Variants in PHACTR3 observed in about 807,000 individuals in gnomAD.
PHACTR3 encodes the protein protein phosphatase 1, regulatory subunit 123.
A neutral mutation model predicts 66.8 loss-of-function variants in PHACTR3; 16 were observed. The observed-to-expected ratio is 0.24, with a 90% confidence interval of 0.16 to 0.36. The LOEUF is 0.36. PHACTR3 is among the 10% of genes least tolerant of loss of function. The probability of loss-of-function intolerance (pLI) is 1.00; values close to 1 mark genes in which losing one functional copy is unlikely to be tolerated. For synonymous variants in PHACTR3, 323 were observed against 292.1 expected (o/e 1.11, Z -1.08); for missense variants, 647 against 719.9 (o/e 0.90, Z 1.16).
chr20:59,587,456 A>G (rs983602088), intron 1 of PHACTR3, among the ~76,000 whole-genome samples: 2 of 152,246 alleles, frequency 1.3e-5, no homozygotes, highest in Admixed American at 1.3e-4. Flanking sequence ...CCCAGTGTTC[A>G]TGGCTGGTCA....
At chr20:59,748,956 G>A (rs1409712102) in intron 3 of PHACTR3, among the ~76,000 whole-genome samples, 3 of 152,154 alleles carry the variant, frequency 2.0e-5, no homozygotes, top group Non-Finnish European at 4.4e-5. Flanking sequence ...CCAGGCTTTT[G>A]TCATTGTTTC....
chr20:59,756,882 G>A (rs1156460863), intron 4 of PHACTR3, among the ~76,000 whole-genome samples: 1 of 151,972 alleles, frequency 6.6e-6, no homozygotes, highest in African/African-American at 2.4e-5. Flanking sequence ...AAACTAAAGA[G>A]CTTCTTTGCA....
At chr20:59,771,740 G>A (rs1408659048) in intron 5 of PHACTR3, among the ~76,000 whole-genome samples, 2 of 152,238 alleles carry the variant, frequency 1.3e-5, no homozygotes, top group Admixed American at 6.5e-5. Context: ...CTGTGGCCTG[G>A]CCTTGTGTGG....
intron 8 of PHACTR3, among the ~76,000 whole-genome samples, chr20:59,831,338 CCT>C (rs1260761644): frequency 7.9e-5 from 12 of 152,232 alleles, no homozygotes; most frequent in African/African-American, 2.4e-4. Context: ...GTCATCCCCA[CCT>C]CTCGTGTGTG....
intron 1 of PHACTR3, among the ~76,000 whole-genome samples, chr20:59,735,053 C>T (rs2038900524): frequency 6.6e-6 from 1 of 152,094 alleles, no homozygotes; most frequent in South Asian, 2.1e-4. Flanking sequence ...TCCCTCAGGC[C>T]TAACACTGTG....
At position 59,767,317 on chromosome 20, in the gene PHACTR3, G is replaced by A. The variant is rs201007890; in HGVS notation, c.673G>A (p.Val225Met). ...DSPPRPLERS[V>M]GQLPSPPLLP... ...TCCTCCCAGACCTCTGGAGAGATCCGTGGGCCAGCTCCCCAGCCCCCCACT... is the reference window on the plus strand; with the variant it reads ...TCCTCCCAGACCTCTGGAGAGATCCATGGGCCAGCTCCCCAGCCCCCCACT... The change falls in exon 5 of 13, where the codon GTG becomes ATG. Residue 225 changes from valine (V) to methionine (M), a missense_variant. Val to Met is a conservative substitution (Grantham distance 21, BLOSUM62 1). Around this residue, in one of 2 missense-constraint regions of PHACTR3, gnomAD observed 577 missense variants for 571.1 expected, o/e 1.01. Transcript: ENST00000371015. The A allele has an allele frequency of 4.2e-5, 67 of 1,614,168 alleles. No individual in the cohort carries two copies. In the East Asian group the frequency reaches 8.0e-4, roughly 19 times the overall value.
chr20:59,681,405 A>G (rs1568705549), intron 1 of PHACTR3, among the ~76,000 whole-genome samples: 2 of 152,154 alleles, frequency 1.3e-5, no homozygotes, highest in Non-Finnish European at 2.9e-5. Context: ...AAAAATTTGT[A>G]AAACATTTTG....
chr20:59,812,390 G>A (rs763923504), intron 8 of PHACTR3, among the ~76,000 whole-genome samples: 4 of 152,196 alleles, frequency 2.6e-5, no homozygotes, highest in Admixed American at 6.5e-5. Context: ...TCCAGAACAC[G>A]CTGCACCCTC....
At position 59,841,536 on chromosome 20, in the gene PHACTR3, G is replaced by T; in HGVS notation, c.1587+1G>T. On this transcript the variant is annotated splice_donor_variant, in intron 11 of 12. Coordinates refer to ENST00000371015, the MANE Select transcript of PHACTR3 (RefSeq NM_080672.5). LOFTEE classifies it high-confidence loss of function. Reference sequence around the variant, plus strand: ...GACGAGACTGTCAGCAGCAGATAAGGTACCTAACTGCCTGTGCTGGTGGGG... The same window carrying T: ...GACGAGACTGTCAGCAGCAGATAAGTTACCTAACTGCCTGTGCTGGTGGGG... 6.2e-7 allele frequency: 1 copy of T among 1,611,360 alleles called. No homozygotes were observed.
chr20:59,702,867 G>T (rs2037555946), intron 1 of PHACTR3, among the ~76,000 whole-genome samples: 1 of 152,188 alleles, frequency 6.6e-6, no homozygotes. Context: ...TTTTGGACCT[G>T]GGTGGGATCA....
chr20:59,681,694 G>T (rs2036655272), intron 1 of PHACTR3, among the ~76,000 whole-genome samples: 1 of 152,246 alleles, frequency 6.6e-6, no homozygotes, highest in Non-Finnish European at 1.5e-5. Context: ...CCCAGGTCCT[G>T]CAAGGAGCAG....
intron 1 of PHACTR3, among the ~76,000 whole-genome samples, chr20:59,702,089 A>G (rs762754815): frequency 1.2e-4 from 19 of 152,162 alleles, no homozygotes; most frequent in Admixed American, 2.0e-4. Context: ...ATGTACCCCA[A>G]TTTGTTTATC....
chr20:59,795,993 G>C (rs1457545392), intron 7 of PHACTR3, among the ~76,000 whole-genome samples: 1 of 151,988 alleles, frequency 6.6e-6, no homozygotes, highest in Non-Finnish European at 1.5e-5. Flanking sequence ...AAATACTCCT[G>C]CCATTTTGTT....
At chr20:59,607,141 C>T (rs560174433) in intron 1 of PHACTR3, among the ~76,000 whole-genome samples, 144 of 152,244 alleles carry the variant, frequency 9.5e-4, no homozygotes, top group African/African-American at 3.4e-3. Flanking sequence ...TGATGGTGGA[C>T]TCAGTTCTTC....
intron 1 of PHACTR3, among the ~76,000 whole-genome samples, chr20:59,610,866 C>A (rs948903301): frequency 1.3e-5 from 2 of 152,196 alleles, no homozygotes; most frequent in Non-Finnish European, 2.9e-5. Context: ...AGCTCTCCTG[C>A]GGGAAGGGAC....
chr20:59,623,558 G>A (rs2034338427), intron 1 of PHACTR3, among the ~76,000 whole-genome samples: 1 of 152,174 alleles, frequency 6.6e-6, no homozygotes, highest in Admixed American at 6.5e-5. Flanking sequence ...TTCTTCGTTT[G>A]TTTGTAATAT....
At chr20:59,836,271 G>A (rs1444545059) in intron 8 of PHACTR3, 5 of 502,562 alleles carry the variant, frequency 9.9e-6, no homozygotes, top group Non-Finnish European at 1.4e-5. Context: ...ATGTGGAGCT[G>A]GAGCAAGGAC....
Position 59,611,574 on chromosome 20 carries a change from A to AAGGAGGAGG in PHACTR3, c.118+6453_118+6461dup, listed in dbSNP as rs144094385. 1.6e-4 allele frequency among the ~76,000 whole-genome samples: 24 copies of AAGGAGGAGG among 152,168 alleles called. No individual in the cohort carries two copies. The South Asian group carries it at 5.0e-3, about 32-fold the overall frequency. On this transcript the variant is annotated intron_variant, in intron 1 of 12. Transcript: ENST00000371015. ...GGCCATTCTCAGCAAATGGTGGAGG[A>AAGGAGGAGG]AGGAGGAGGAGGAGGAGGATGTGGT...
intron 3 of PHACTR3, among the ~76,000 whole-genome samples, chr20:59,751,575 G>C (rs2039584423): frequency 2.0e-5 from 3 of 152,154 alleles, no homozygotes; most frequent in Admixed American, 6.5e-5. Flanking sequence ...CAGCAGAAGA[G>C]AGCCCGCCAG....
Sources: allele counts gnomAD v4.1 joint callset (sites outside exome capture counted in the v4.1 genomes callset), GRCh38; gene constraint gnomAD v4.1.1; regional missense constraint gnomAD v4.1.1; transcripts MANE v1.5; gene names NCBI Gene and HGNC (gene_info 2026-07-23, HGNC 2026-07-21).